Variants in SOX5 observed in about 807,000 individuals in gnomAD.
SOX5 encodes SRY-box transcription factor 5.
A neutral mutation model predicts 92.0 loss-of-function variants in SOX5; 9 were observed. The ratio of observed to expected loss-of-function variants is 0.10; its 90% CI spans 0.06 to 0.17. The LOEUF is 0.17. SOX5 is among the 10% of genes least tolerant of loss of function. The probability of loss-of-function intolerance (pLI) is 1.00; values close to 1 mark genes in which losing one functional copy is unlikely to be tolerated. For synonymous variants in SOX5, 344 were observed against 336.3 expected (o/e 1.02, Z -0.25); for missense variants, 642 against 944.5 (o/e 0.68, Z 4.20).
intron 9 of SOX5, among the ~76,000 whole-genome samples, chr12:23,602,463 C>G (rs539800767): frequency 6.6e-6 from 1 of 152,154 alleles, no homozygotes; most frequent in Admixed American, 6.5e-5. Flanking sequence ...ATGGATGAGG[C>G]TGACTGACAT....
At chr12:24,476,395 T>C (rs1197059288) in intron 1 of SOX5, among the ~76,000 whole-genome samples, 2 of 152,230 alleles carry the variant, frequency 1.3e-5, no homozygotes, top group African/African-American at 4.8e-5. Context: ...AGCGCTCATG[T>C]AGAGTACTGC....
chr12:23,654,649 C>G (rs576687265), intron 7 of SOX5, among the ~76,000 whole-genome samples: 4 of 152,072 alleles, frequency 2.6e-5, no homozygotes, highest in African/African-American at 7.2e-5. Flanking sequence ...CTTGAGCAAC[C>G]AAGAACAAGT....
intron 1 of SOX5, among the ~76,000 whole-genome samples, chr12:24,483,337 T>C (rs751413830): frequency 2.0e-5 from 3 of 152,242 alleles, no homozygotes; most frequent in Non-Finnish European, 1.5e-5. Context: ...CAATTTTCTC[T>C]TTCAGTTTTT....
chr12:24,013,025 T>C (rs934787220), intron 4 of SOX5, among the ~76,000 whole-genome samples: 3 of 152,142 alleles, frequency 2.0e-5, no homozygotes, highest in African/African-American at 7.2e-5. Context: ...AATTGTGTCT[T>C]ATCCAACATG....
chr12:23,619,190 T>C (rs1314410996), intron 8 of SOX5, among the ~76,000 whole-genome samples: 1 of 152,186 alleles, frequency 6.6e-6, no homozygotes, highest in African/African-American at 2.4e-5. Context: ...AAGTATCACA[T>C]ACAAATATTA....
At chr12:23,894,101 A>G (rs930059873) in intron 2 of SOX5, among the ~76,000 whole-genome samples, 8 of 152,162 alleles carry the variant, frequency 5.3e-5, no homozygotes, top group Non-Finnish European at 1.2e-4. Context: ...TCTCATCTGT[A>G]AAACAGAATT....
intron 4 of SOX5, among the ~76,000 whole-genome samples, chr12:23,979,946 TAGATAGACAGACAGACAGATAGATAGAC>T (rs1949403665): frequency 7.4e-6 from 1 of 134,566 alleles, no homozygotes; most frequent in African/African-American, 3.0e-5. Flanking sequence ...GATAGATAGA[TAGATAGACAGACAGACAGATAGATAGAC>T]AGATAGATAG....
chr12:24,265,408 G>C (rs1169014771), intron 3 of SOX5, among the ~76,000 whole-genome samples: 1 of 152,080 alleles, frequency 6.6e-6, no homozygotes, highest in Non-Finnish European at 1.5e-5. Flanking sequence ...TCTGAGAGTG[G>C]TGACATGTGC....
At chr12:24,042,548 TAGTGTC>T (rs1956624891) in intron 4 of SOX5, among the ~76,000 whole-genome samples, 2 of 152,170 alleles carry the variant, frequency 1.3e-5, no homozygotes, top group Non-Finnish European at 2.9e-5. Flanking sequence ...AATGCAATTA[TAGTGTC>T]ATCCATATCC....
chr12:23,972,835 A>G (rs1219486520), intron 4 of SOX5, among the ~76,000 whole-genome samples: 1 of 152,114 alleles, frequency 6.6e-6, no homozygotes, highest in African/African-American at 2.4e-5. Flanking sequence ...TTAAAAATCT[A>G]TTCTATTAGC....
intron 1 of SOX5, among the ~76,000 whole-genome samples, chr12:24,458,014 T>C (rs1403700506): frequency 1.3e-5 from 2 of 150,650 alleles, no homozygotes; most frequent in African/African-American, 4.9e-5. Flanking sequence ...GACACTCAAG[T>C]AAATATGAAT....
intron 4 of SOX5, among the ~76,000 whole-genome samples, chr12:24,061,189 GA>G (rs1939623946): frequency 6.6e-6 from 1 of 151,972 alleles, no homozygotes; most frequent in Non-Finnish European, 1.5e-5. Flanking sequence ...AAAGGACGAA[GA>G]GAAGAAATTA....
intron 3 of SOX5, among the ~76,000 whole-genome samples, chr12:24,273,060 CCG>C (rs1368111696): frequency 6.6e-6 from 1 of 152,130 alleles, no homozygotes; most frequent in Non-Finnish European, 1.5e-5. Context: ...TAGTAAAACC[CCG>C]TCTCTACTAA....
chr12:23,577,965 C>CA (rs1949434371), intron 9 of SOX5, among the ~76,000 whole-genome samples: 1 of 150,738 alleles, frequency 6.6e-6, no homozygotes, highest in African/African-American at 2.4e-5. Context: ...ACTAAAAATA[C>CA]AAAAAATTAG....
chr12:24,422,491 T>C (rs1296970203), intron 1 of SOX5, among the ~76,000 whole-genome samples: 1 of 152,186 alleles, frequency 6.6e-6, no homozygotes, highest in Admixed American at 6.5e-5. Flanking sequence ...TGAGCCATCA[T>C]ATGTAAGATA....
intron 1 of SOX5, among the ~76,000 whole-genome samples, chr12:24,499,088 A>G (rs894603266): frequency 3.3e-5 from 5 of 152,168 alleles, no homozygotes; most frequent in African/African-American, 4.8e-5. Flanking sequence ...GCTCTATCAT[A>G]GTTCTCTCAC....
intron 9 of SOX5, among the ~76,000 whole-genome samples, chr12:23,600,024 C>T (rs1953180149): frequency 6.6e-6 from 1 of 152,076 alleles, no homozygotes; most frequent in Non-Finnish European, 1.5e-5. Flanking sequence ...CATTCTGTGG[C>T]AGAAAGTTAA....
chr12:23,545,494 A>T (rs1474802568), intron 12 of SOX5, among the ~76,000 whole-genome samples: 1 of 152,288 alleles, frequency 6.6e-6, no homozygotes, highest in African/African-American at 2.4e-5. Flanking sequence ...GATACAGAAA[A>T]CAGAAGTCTG....
chr12:24,261,764 A>G (rs1207058038), intron 3 of SOX5, among the ~76,000 whole-genome samples: 1 of 152,066 alleles, frequency 6.6e-6, no homozygotes, highest in Admixed American at 6.5e-5. Context: ...TTCTCTCCTC[A>G]CTTCCACCAT....
Sources: allele counts gnomAD v4.1 joint callset (sites outside exome capture counted in the v4.1 genomes callset), GRCh38; gene constraint gnomAD v4.1.1; transcripts MANE v1.5; gene names NCBI Gene and HGNC (gene_info 2026-07-23, HGNC 2026-07-21).